BIRC7: variants seen among roughly 807,000 people sequenced by gnomAD.
BIRC7 encodes baculoviral IAP repeat-containing protein 7.
A neutral mutation model predicts 33.2 loss-of-function variants in BIRC7; 26 were observed. The ratio of observed to expected loss-of-function variants is 0.78; its 90% CI spans 0.57 to 1.09. The LOEUF is 1.09. Among genes scored for constraint, BIRC7 ranks in the 50% least tolerant of loss-of-function variants. The pLI is 0.00. For synonymous variants in BIRC7, 176 were observed against 171.0 expected (o/e 1.03, Z -0.23); for missense variants, 409 against 401.2 (o/e 1.02, Z -0.17).
chr20:63,239,635 G>C (rs1268374562), intron 6 of BIRC7, 25 bp downstream of exon 6: 3 of 1,572,554 alleles, frequency 1.9e-6, no homozygotes, highest in East Asian at 4.6e-5. Context: ...ACCACGCGCA[G>C]CCAGCCCTCC....
rs750096360 is a variant in BIRC7, at chr20:63,238,496, C to A, written c.531+19C>A. 6.2e-6 allele frequency: 10 copies of A among 1,612,958 alleles called. No homozygotes were observed. Among genetic ancestry groups the A allele is most frequent in the Non-Finnish European group, 8.5e-6 (10 of 1,179,880 alleles). On this transcript the variant is annotated intron_variant, in intron 3 of 6. Coordinates refer to ENST00000217169, the MANE Select transcript of BIRC7 (RefSeq NM_139317.3). ...CTCCTGGGTGAGCGCCACCTCTCCT[C>A]GGGGCTCCGGGTGGCAGTGGGGTCC...
In BIRC7 at chr20:63,238,489, C is replaced by G. The variant is rs1486154306; in HGVS notation, c.531+12C>G. 2 of 1,612,974 alleles carry G rather than the reference C, an allele frequency of 1.2e-6. No individual in the cohort carries two copies. Among genetic ancestry groups the G allele is most frequent in the East Asian group, 2.2e-5 (1 of 44,884 alleles). On this transcript the variant is annotated intron_variant, in intron 3 of 6. Transcript: ENST00000217169. ...TGCTGGGCTCCTGGGTGAGCGCCAC[C>G]TCTCCTCGGGGCTCCGGGTGGCAGT...
intron 1 of BIRC7, 84 bp downstream of exon 1, chr20:63,236,529 T>C: frequency 6.9e-7 from 1 of 1,447,574 alleles, no homozygotes; most frequent in Admixed American, 2.5e-5. Context: ...GCCTCCTCCG[T>C]AGCATCCATC....
chr20:63,239,015 G>A, intron 4 of BIRC7, 147 bp from the exon 5 acceptor site: 1 of 823,476 alleles, frequency 1.2e-6, no homozygotes, highest in Non-Finnish European at 1.9e-6. Context: ...CTGTGGGAGG[G>A]GTGGGAAGAA....
At position 63,238,632 on chromosome 20, in the gene BIRC7, C is replaced by T. The variant is rs1182073665; in HGVS notation, c.577+18C>T. On this transcript the variant is annotated intron_variant, in intron 4 of 6. Coordinates refer to ENST00000217169, the MANE Select transcript of BIRC7 (RefSeq NM_139317.3). ...CCCCTCCGGTGAGAGCTGACACCAC[C>T]CCTGCTGACTCCTTGTGCGCCTGCA... is the stretch of plus-strand genomic sequence containing the variant. The T allele has an allele frequency of 1.9e-5, 31 of 1,612,058 alleles. No individual in the cohort carries two copies. The highest frequency in any genetic ancestry group is 2.6e-5 in the Non-Finnish European group (31 of 1,179,882).
chr20:63,237,899 C>T lies in BIRC7; in HGVS notation c.350-4C>T, dbSNP rs1453656935. 1 of 1,595,000 alleles carries T rather than the reference C, an allele frequency of 6.3e-7. No individual in the cohort carries two copies. Among genetic ancestry groups the T allele is most frequent in the African/African-American group, 1.4e-5 (1 of 73,678 alleles). On this transcript the variant is annotated splice_region_variant and splice_polypyrimidine_tract_variant and intron_variant, in intron 1 of 6. Coordinates refer to ENST00000217169, the MANE Select transcript of BIRC7 (RefSeq NM_139317.3). ...GCTGGGGCCAGCATCTCTCCGCACC[C>T]CAGGCCATCAGGACAAGGTGAGGTG...
intron 1 of BIRC7, among the ~76,000 whole-genome samples, chr20:63,237,224 T>G (rs1601254864): frequency 6.6e-6 from 1 of 151,986 alleles, no homozygotes; most frequent in Admixed American, 6.6e-5. Context: ...AGCCGTGGCG[T>G]GAAGGGGCAG....
rs1323663779 is a variant in BIRC7, at chr20:63,238,360, C to T, written c.450-36C>T. The T allele has an allele frequency of 1.9e-6, 3 of 1,609,558 alleles. No homozygotes were observed. The African/African-American group carries it at 4.0e-5, about 21-fold the overall frequency. On this transcript the variant is annotated intron_variant, in intron 2 of 6. Coordinates refer to ENST00000217169, the MANE Select transcript of BIRC7 (RefSeq NM_139317.3). The stretch of plus-strand genomic sequence containing the variant: ...AGGGCTTGAAGCAGACAGTGGGGGC[C>T]CTGAACCCCAACCTACATCTCTGGG...
At chr20:63,238,333 C>T in intron 2 of BIRC7, 63 bp from the exon 3 acceptor site, 1 of 1,591,586 alleles carries the variant, frequency 6.3e-7, no homozygotes, top group Non-Finnish European at 8.6e-7. Flanking sequence ...CCCGGGGATC[C>T]AAGGGCTTGA....
chr20:63,238,692 C>G (rs2066708181), intron 4 of BIRC7, 78 bp downstream of exon 4: 1 of 1,547,472 alleles, frequency 6.5e-7, no homozygotes. Context: ...GGTGTCCCCA[C>G]CCTCCCAGAC....
At position 63,236,458 on chromosome 20, in the gene BIRC7, C is replaced by T. The variant is rs573942684; in HGVS notation, c.349+13C>T. On this transcript the variant is annotated intron_variant, in intron 1 of 6. Coordinates refer to ENST00000217169, the MANE Select transcript of BIRC7 (RefSeq NM_139317.3). ...TTCTTCCACACAGGTCAGTCCCGGGCGGGGGGGCCTTCCTGCCGTGGGCCT... is the reference window on the plus strand; with the variant it reads ...TTCTTCCACACAGGTCAGTCCCGGGTGGGGGGGCCTTCCTGCCGTGGGCCT... 57 of 1,509,356 alleles carry T rather than the reference C, an allele frequency of 3.8e-5. No individual in the cohort carries two copies. The highest frequency in any genetic ancestry group is 2.5e-4 in the Middle Eastern group (1 of 4,018). 93.5% of individuals were successfully genotyped at this position (1,509,356 alleles called of 1,614,324 possible).
rs779853651 is a variant in BIRC7, at chr20:63,238,585, CG to C, written c.550del (p.Glu184LysfsTer179). 8.7e-6 allele frequency: 14 copies of C among 1,613,050 alleles called. 1 individual carries two copies. The South Asian group carries it at 1.2e-4, about 14-fold the overall frequency. On this transcript the variant is annotated frameshift_variant, in exon 4 of 7. Coordinates refer to ENST00000217169, the MANE Select transcript of BIRC7 (RefSeq NM_139317.3). LOFTEE classifies it high-confidence loss of function. ...LLGSWDPWEE[P>X]EDAAPVAPSV... is the part of the protein sequence containing the mutation. Reference sequence around the variant, plus strand: ...TCCTTCCAGGACCCGTGGGAAGAACCGGAAGACGCAGCCCCTGTGGCCCCCT... The same window carrying C: ...TCCTTCCAGGACCCGTGGGAAGAACCGAAGACGCAGCCCCTGTGGCCCCCT...
At chr20:63,236,666 G>T (rs182537195) in intron 1 of BIRC7, among the ~76,000 whole-genome samples, 1 of 152,226 alleles carries the variant, frequency 6.6e-6, no homozygotes, top group Non-Finnish European at 1.5e-5. Flanking sequence ...ACCGTGGGAT[G>T]TGAGGAGGGG....
At chr20:63,239,018 G>A (rs1234551956) in intron 4 of BIRC7, 144 bp from the exon 5 acceptor site, 1 of 839,848 alleles carries the variant, frequency 1.2e-6, no homozygotes, top group Non-Finnish European at 1.9e-6. Context: ...TGGGAGGGGT[G>A]GGAAGAAGTG....
intron 6 of BIRC7, among the ~76,000 whole-genome samples, chr20:63,239,815 C>T (rs745490393): frequency 8.5e-5 from 13 of 152,220 alleles, no homozygotes; most frequent in Non-Finnish European, 1.8e-4. Flanking sequence ...CTTCGGGCAC[C>T]GTGCCCTGGC....
chr20:63,237,445 C>T (rs963544888), intron 1 of BIRC7, among the ~76,000 whole-genome samples: 1 of 152,178 alleles, frequency 6.6e-6, no homozygotes, highest in Non-Finnish European at 1.5e-5. Context: ...ACGGGTCCCC[C>T]ACCCCCAAAG....
intron 4 of BIRC7, 190 bp downstream of exon 4, chr20:63,238,804 T>G (rs2066709073): frequency 2.6e-6 from 2 of 763,664 alleles, no homozygotes; most frequent in Non-Finnish European, 4.2e-6. Flanking sequence ...GGCAGGGGCC[T>G]CCCCCAGTGC....
At position 63,239,445 on chromosome 20, in the gene BIRC7, TGCA is replaced by T. The variant is rs767591214; in HGVS notation, c.739_741del (p.Gln247del). ...GATGTGGAGGCGCAGCTGCGGCGGC[TGCA>T]GGAGGAGAGGACGTGCAAGGTGTGC... is the stretch of plus-strand genomic sequence containing the variant. On this transcript the variant is annotated inframe_deletion, in exon 6 of 7. Transcript: ENST00000217169. The T allele has an allele frequency of 6.2e-7, 1 of 1,606,826 alleles. No homozygotes were observed. The highest frequency in any genetic ancestry group is 8.5e-7 in the Non-Finnish European group (1 of 1,179,876).
At chr20:63,238,278 C>A in intron 2 of BIRC7, 118 bp from the exon 3 acceptor site, 1 of 1,264,694 alleles carries the variant, frequency 7.9e-7, no homozygotes, top group Non-Finnish European at 1.1e-6. Context: ...CGCCCATGCC[C>A]ACGGGCACTG....
Sources: allele counts gnomAD v4.1 joint callset (sites outside exome capture counted in the v4.1 genomes callset), GRCh38; gene constraint gnomAD v4.1.1; transcripts MANE v1.5; gene names NCBI Gene and HGNC (gene_info 2026-07-23, HGNC 2026-07-21).